DSCAM: variants seen among roughly 807,000 people sequenced by gnomAD.
DSCAM encodes DS cell adhesion molecule.
A neutral mutation model predicts 217.7 loss-of-function variants in DSCAM; 47 were observed. That is an observed-to-expected ratio of 0.22 (90% CI 0.17 to 0.28). The LOEUF is 0.28. Ranked by LOEUF, DSCAM falls within the 10% of genes least tolerant of loss-of-function variation. The probability of loss-of-function intolerance (pLI) is 1.00; values close to 1 mark genes in which losing one functional copy is unlikely to be tolerated. For synonymous variants in DSCAM, 1,056 were observed against 1,015.3 expected (o/e 1.04, Z -0.76); for missense variants, 2,080 against 2,618.3 (o/e 0.79, Z 4.49).
intron 3 of DSCAM, among the ~76,000 whole-genome samples, chr21:40,470,287 C>T (rs2075877245): frequency 6.6e-6 from 1 of 152,220 alleles, no homozygotes. Context: ...TGTTACGTGT[C>T]TGCCTTGCAG....
intron 3 of DSCAM, among the ~76,000 whole-genome samples, chr21:40,412,334 G>C (rs974813005): frequency 6.6e-6 from 1 of 152,156 alleles, no homozygotes; most frequent in African/African-American, 2.4e-5. Context: ...ACAGTTTGGA[G>C]GGCTCAGAAG....
At chr21:40,143,321 C>T (rs1294037636) in intron 17 of DSCAM, among the ~76,000 whole-genome samples, 1 of 152,160 alleles carries the variant, frequency 6.6e-6, no homozygotes, top group Non-Finnish European at 1.5e-5. Context: ...AAAATACTGG[C>T]TGAGACACGC....
intron 3 of DSCAM, among the ~76,000 whole-genome samples, chr21:40,489,994 G>T (rs1383751110): frequency 6.6e-6 from 1 of 152,136 alleles, no homozygotes; most frequent in African/African-American, 2.4e-5. Context: ...AAGGCAAGAG[G>T]TTTAACTGAC....
chr21:40,025,960 T>C (rs982718530), intron 32 of DSCAM, among the ~76,000 whole-genome samples: 10 of 148,258 alleles, frequency 6.7e-5, no homozygotes, highest in African/African-American at 2.0e-4. Flanking sequence ...TTAATTGTGA[T>C]GTTAGGGTGT....
At chr21:40,483,819 T>C (rs2076002889) in intron 3 of DSCAM, among the ~76,000 whole-genome samples, 1 of 152,216 alleles carries the variant, frequency 6.6e-6, no homozygotes, top group Non-Finnish European at 1.5e-5. Flanking sequence ...ACGTGTCTTT[T>C]GTGTGTTCCT....
chr21:40,755,078 C>T (rs112194921), intron 1 of DSCAM, among the ~76,000 whole-genome samples: 75 of 152,242 alleles, frequency 4.9e-4, no homozygotes, highest in African/African-American at 1.7e-3. Flanking sequence ...ACAGAGTTCC[C>T]ACAACATGGA....
intron 3 of DSCAM, among the ~76,000 whole-genome samples, chr21:40,393,287 T>C (rs1051972468): frequency 2.0e-5 from 3 of 152,218 alleles, no homozygotes; most frequent in Non-Finnish European, 4.4e-5. Context: ...GCATGACCTC[T>C]GATGCGGAGC....
intron 11 of DSCAM, among the ~76,000 whole-genome samples, chr21:40,256,231 C>A (rs577960425): frequency 6.6e-6 from 1 of 152,078 alleles, no homozygotes; most frequent in Non-Finnish European, 1.5e-5. Flanking sequence ...AATATGCACA[C>A]GTTAATATGT....
chr21:40,154,098 A>C (rs999622316), intron 16 of DSCAM, among the ~76,000 whole-genome samples: 1 of 151,990 alleles, frequency 6.6e-6, no homozygotes, highest in Non-Finnish European at 1.5e-5. Flanking sequence ...TGAGGGGGCT[A>C]TGTCAGGTCG....
chr21:40,082,944 T>A (rs146612757), intron 24 of DSCAM, among the ~76,000 whole-genome samples: 67 of 152,318 alleles, frequency 4.4e-4, no homozygotes, highest in African/African-American at 1.5e-3. Context: ...TGCTCCTGAC[T>A]TCCTGTTTAC....
At position 40,179,035 on chromosome 21, in the gene DSCAM, T is replaced by C. The variant is rs114683949; in HGVS notation, c.2839A>G (p.Ile947Val). The C allele has an allele frequency of 3.7e-6, 6 of 1,614,024 alleles. No individual in the cohort carries two copies. The African/African-American group carries it at 8.0e-5, about 22-fold the overall frequency. The change falls in exon 15 of 33, where the codon ATC becomes GTC. Residue 947 changes from isoleucine to valine, a missense_variant. Physicochemically the swap from Ile to Val is conservative, Grantham distance 29 (BLOSUM62 3). Around this residue, in one of 5 missense-constraint regions of DSCAM, gnomAD observed 1,144 missense variants for 1,421.1 expected, o/e 0.81. Coordinates refer to ENST00000400454, the MANE Select transcript of DSCAM (RefSeq NM_001389.5). Reference protein sequence around the residue: ...DVSPQLNSATIIDIHPSSTYS... With the variant: ...DVSPQLNSATVIDIHPSSTYS... ...GTGGAGGAAGGGTGGATATCAATGA[T>C]GGTGGCCGAGTTCAGCTGAGGGGAA... is the stretch of plus-strand genomic sequence containing the variant.
At chr21:40,641,067 A>G (rs1276407784) in intron 3 of DSCAM, among the ~76,000 whole-genome samples, 1 of 152,250 alleles carries the variant, frequency 6.6e-6, no homozygotes, top group Non-Finnish European at 1.5e-5. Flanking sequence ...GTCTTCATGT[A>G]AAATAACCAA....
intron 8 of DSCAM, among the ~76,000 whole-genome samples, chr21:40,332,786 T>C (rs1283024929): frequency 6.6e-6 from 1 of 152,196 alleles, no homozygotes; most frequent in Non-Finnish European, 1.5e-5. Context: ...ATAATAAGCA[T>C]ATTATTTATA....
At chr21:40,245,125 A>G (rs1014454930) in intron 11 of DSCAM, among the ~76,000 whole-genome samples, 1 of 152,170 alleles carries the variant, frequency 6.6e-6, no homozygotes, top group African/African-American at 2.4e-5. Flanking sequence ...TAAACAAAGA[A>G]TCACTCCAGT....
intron 3 of DSCAM, among the ~76,000 whole-genome samples, chr21:40,499,561 C>G (rs966080640): frequency 1.3e-5 from 2 of 152,178 alleles, no homozygotes; most frequent in Non-Finnish European, 1.5e-5. Flanking sequence ...TATGATCCAA[C>G]GTGCCCATTA....
intron 8 of DSCAM, among the ~76,000 whole-genome samples, chr21:40,325,217 T>C (rs1041580227): frequency 3.3e-5 from 5 of 152,174 alleles, no homozygotes; most frequent in Admixed American, 6.5e-5. Context: ...AGTCAATATA[T>C]TTCACAGAAC....
intron 32 of DSCAM, among the ~76,000 whole-genome samples, chr21:40,040,907 C>T (rs772494406): frequency 1.6e-4 from 23 of 148,286 alleles, no homozygotes; most frequent in Non-Finnish European, 2.7e-4. Flanking sequence ...ATTTGCCTTG[C>T]AAATAAATGC....
chr21:40,815,159 T>C (rs1289378669), intron 1 of DSCAM, among the ~76,000 whole-genome samples: 2 of 152,056 alleles, frequency 1.3e-5, no homozygotes, highest in African/African-American at 4.8e-5. Flanking sequence ...ATTTTGTTAG[T>C]TCCAGTTCCC....
intron 28 of DSCAM, among the ~76,000 whole-genome samples, chr21:40,060,987 C>G (rs1390495703): frequency 6.6e-6 from 1 of 152,160 alleles, no homozygotes; most frequent in Non-Finnish European, 1.5e-5. Context: ...GTAATCTTCT[C>G]CTGGAAATGT....
Sources: gnomAD v4.1 joint callset for allele counts (sites outside exome capture counted in the v4.1 genomes callset) on GRCh38, gnomAD v4.1.1 for gene constraint, gnomAD v4.1.1 regional missense constraint, MANE v1.5 for transcripts, NCBI Gene and HGNC (gene_info 2026-07-23, HGNC 2026-07-21) for gene names.